TFCP2L1: variants seen among roughly 807,000 people sequenced by gnomAD.
TFCP2L1 encodes the protein transcription factor CP2 like 1.
Under a neutral mutation model 72.2 loss-of-function variants are expected in TFCP2L1, and 12 were observed. That is an observed-to-expected ratio of 0.17 (90% CI 0.11 to 0.27). The LOEUF is 0.27. Ranked by LOEUF, TFCP2L1 falls within the 10% of genes least tolerant of loss-of-function variation. The pLI is 1.00. For missense variants in TFCP2L1, 488 were observed against 624.6 expected, an observed-to-expected ratio of 0.78 and a Z score of 2.33; for synonymous variants, 260 against 251.0, an observed-to-expected ratio of 1.04 and a Z score of -0.34.
chr2:121,225,585 C>G lies in TFCP2L1; in HGVS notation c.1370G>C (p.Cys457Ser). Residue 457 changes from cysteine (C) to serine (S), a missense_variant, in exon 14 of 15, where the codon TGT becomes TCT. This residue lies in a region of TFCP2L1 where 286 missense variants were observed against 329.0 expected (regional missense o/e 0.87). Coordinates refer to ENST00000263707, the MANE Select transcript of TFCP2L1 (RefSeq NM_014553.3). ...ACCTTTAATTGTGCTGAGGACAAAACAGGATTCATCTTGGAAGTTCTGCAC... is the reference window on the plus strand; with the variant it reads ...ACCTTTAATTGTGCTGAGGACAAAAGAGGATTCATCTTGGAAGTTCTGCAC... Reference protein sequence around the residue: ...EMVQNFQDESCFVLSTIKAES... With the variant: ...EMVQNFQDESSFVLSTIKAES... 6.2e-7 allele frequency: 1 copy of G among 1,614,146 alleles called. No homozygotes were observed. The highest frequency in any genetic ancestry group is 8.5e-7 in the Non-Finnish European group (1 of 1,180,010).
intron 2 of TFCP2L1, among the ~76,000 whole-genome samples, chr2:121,258,309 A>G (rs1421456067): frequency 1.3e-5 from 2 of 152,206 alleles, no homozygotes; most frequent in African/African-American, 2.4e-5. Context: ...ATCAATATTA[A>G]TAAGCGCCCA....
At chr2:121,226,582 C>T (rs542577775) in intron 13 of TFCP2L1, among the ~76,000 whole-genome samples, 113 of 152,140 alleles carry the variant, frequency 7.4e-4, no homozygotes, top group African/African-American at 2.6e-3. Context: ...AAGGAGGGTT[C>T]CACTACCTGT....
chr2:121,282,319 TAAAAAAAAAAAAAA>T (rs539101704), intron 1 of TFCP2L1, among the ~76,000 whole-genome samples: 1 of 86,256 alleles, frequency 1.2e-5, no homozygotes, highest in Non-Finnish European at 2.2e-5. Flanking sequence ...CTCTCCACAT[TAAAAAAAAAAAAAA>T]AAAAAAAAAA....
intron 10 of TFCP2L1, among the ~76,000 whole-genome samples, chr2:121,237,274 A>G (rs926943154): frequency 2.6e-5 from 4 of 152,168 alleles, no homozygotes; most frequent in Non-Finnish European, 5.9e-5. Context: ...GAGGAGCAGT[A>G]TTTGGGTAGG....
rs60390394 is a variant in TFCP2L1 at position 121,250,542 on chromosome 2, C to A, written c.215-895G>T. Among the ~76,000 whole-genome samples the A allele has an allele frequency of 3.2e-3, 482 of 151,690 alleles. 4 individuals carry two copies. The highest frequency in any genetic ancestry group is 0.011 in the African/African-American group (471 of 41,386). On this transcript the variant is annotated intron_variant, in intron 2 of 14. Transcript: ENST00000263707. ...AATTTTACAAGACTGTAGCATATAT[C>A]GCAATTTAATAAAGGGTGTTTTACA...
chr2:121,277,419 G>C (rs188998935), intron 2 of TFCP2L1, among the ~76,000 whole-genome samples: 1 of 152,290 alleles, frequency 6.6e-6, no homozygotes, highest in East Asian at 1.9e-4. Flanking sequence ...TATTGGAAAA[G>C]AGACAAAATG....
chr2:121,252,273 C>G (rs1010809979), intron 2 of TFCP2L1, among the ~76,000 whole-genome samples: 1 of 152,172 alleles, frequency 6.6e-6, no homozygotes, highest in African/African-American at 2.4e-5. Context: ...TCTCAAACTC[C>G]TGGGCTCAAG....
rs1053435329 is a variant in TFCP2L1, at chr2:121,235,102, C to T, written c.1094+119G>A. The T allele has an allele frequency of 7.4e-5, 75 of 1,014,254 alleles. No individual in the cohort carries two copies. The South Asian group carries it at 1.0e-3, about 14-fold the overall frequency. The allele number at this position is 1,014,254 out of a possible 1,614,324, so 62.8% of individuals were successfully genotyped here. A position where few individuals can be genotyped will look rare whatever the true frequency, so the allele number is the denominator to read the frequency against. ...TCCTCCTACACTTGACCCCACACTG[C>T]AGGAGTCCTGTCCCCCCAGCCAGAC... On this transcript the variant is annotated intron_variant, in intron 11 of 14. Coordinates refer to ENST00000263707, the MANE Select transcript of TFCP2L1 (RefSeq NM_014553.3).
In TFCP2L1 at chr2:121,285,182, G is replaced by A; in HGVS notation, c.-73C>T. The A allele has an allele frequency of 3.1e-6, 4 of 1,290,358 alleles. No homozygotes were observed. The highest frequency in any genetic ancestry group is 4.0e-6 in the Non-Finnish European group (4 of 1,008,520). 79.9% of individuals were successfully genotyped at this position (1,290,358 alleles called of 1,614,324 possible). A position where few individuals can be genotyped will look rare whatever the true frequency, so the allele number is the denominator to read the frequency against. On this transcript the variant is annotated 5_prime_UTR_variant, in exon 1 of 15. Transcript: ENST00000263707. ...CGCGGGGCGCGCCGAGGACCCAGCG[G>A]CGGCTTCGCGCTCCGAACCCGCGGT...
intron 13 of TFCP2L1, among the ~76,000 whole-genome samples, chr2:121,227,225 G>A (rs1359978192): frequency 3.3e-5 from 5 of 152,196 alleles, no homozygotes; most frequent in African/African-American, 7.2e-5. Flanking sequence ...CCAGTTGGCT[G>A]TTATGAAATC....
chr2:121,245,930 C>A (rs992575466), intron 6 of TFCP2L1, among the ~76,000 whole-genome samples: 4 of 152,226 alleles, frequency 2.6e-5, no homozygotes, highest in African/African-American at 9.6e-5. Flanking sequence ...GGGTCTCCAG[C>A]CCCAGAAGAT....
chr2:121,252,441 TA>T (rs1436505005), intron 2 of TFCP2L1, among the ~76,000 whole-genome samples: 1 of 152,208 alleles, frequency 6.6e-6, no homozygotes, highest in South Asian at 2.1e-4. Context: ...TGTCACATCC[TA>T]ATCCCCGGAA....
chr2:121,228,060 G>C (rs1196585492), intron 13 of TFCP2L1, among the ~76,000 whole-genome samples: 1 of 152,268 alleles, frequency 6.6e-6, no homozygotes, highest in Non-Finnish European at 1.5e-5. Flanking sequence ...GGCTGGCCAG[G>C]CTGCCTCCAG....
chr2:121,223,121 C>T lies in TFCP2L1; in HGVS notation c.*1220G>A, dbSNP rs1475251986. 1 of 152,268 alleles carries T rather than the reference C, an allele frequency of 6.6e-6. No homozygotes were observed. The highest frequency in any genetic ancestry group is 1.9e-4 in the East Asian group (1 of 5,174). The allele number at this position is 152,268 out of a possible 1,614,324, so 9.4% of individuals were successfully genotyped here. On this transcript the variant is annotated 3_prime_UTR_variant, in exon 15 of 15. Coordinates refer to ENST00000263707, the MANE Select transcript of TFCP2L1 (RefSeq NM_014553.3). ...ATTCCACAGAAGCTCCATTTAGAAG[C>T]TATGACATCCCATTCAGGTGGTCAG...
At chr2:121,256,634 G>A (rs1266705272) in intron 2 of TFCP2L1, among the ~76,000 whole-genome samples, 5 of 151,902 alleles carry the variant, frequency 3.3e-5, no homozygotes, top group East Asian at 1.9e-4. Context: ...AAAATTAGCC[G>A]GGCATGGTGG....
rs1292590580 is a variant in TFCP2L1, at chr2:121,220,092, T to TCC, written c.*4247_*4248dup. 1 of 151,996 alleles carries TCC rather than the reference T, an allele frequency of 6.6e-6. No individual in the cohort carries two copies. The highest frequency in any genetic ancestry group is 1.5e-5 in the Non-Finnish European group (1 of 68,012). The allele number at this position is 151,996 out of a possible 1,614,324, so 9.4% of individuals were successfully genotyped here. On this transcript the variant is annotated 3_prime_UTR_variant, in exon 15 of 15. Coordinates refer to ENST00000263707, the MANE Select transcript of TFCP2L1 (RefSeq NM_014553.3). ...CACTGACAACAGCCTAAGAGGCTTT[T>TCC]CCGTTTATTTCATCGACTTGTTAAT...
chr2:121,279,030 G>C (rs533932248), intron 2 of TFCP2L1, among the ~76,000 whole-genome samples: 2 of 152,100 alleles, frequency 1.3e-5, no homozygotes, highest in East Asian at 3.9e-4. Context: ...GGAAGGGGTA[G>C]AGGAAAGGTA....
At chr2:121,250,461 AT>A (rs1282253072) in intron 2 of TFCP2L1, among the ~76,000 whole-genome samples, 4 of 139,530 alleles carry the variant, frequency 2.9e-5, no homozygotes, top group African/African-American at 1.1e-4. Context: ...ATCTCAAAAA[AT>A]ATATATATAT....
intron 8 of TFCP2L1, among the ~76,000 whole-genome samples, chr2:121,238,482 C>T (rs1686296897): frequency 6.6e-6 from 1 of 152,140 alleles, no homozygotes; most frequent in South Asian, 2.1e-4. Context: ...GAACGCTGCA[C>T]AACAGTGTGA....
Sources: gnomAD v4.1 joint callset for allele counts (sites outside exome capture counted in the v4.1 genomes callset) on GRCh38, gnomAD v4.1.1 for gene constraint, gnomAD v4.1.1 regional missense constraint, MANE v1.5 for transcripts, NCBI Gene and HGNC (gene_info 2026-07-23, HGNC 2026-07-21) for gene names.